ASTN2: variants seen among roughly 807,000 people sequenced by gnomAD.
The protein encoded by ASTN2 is astrotactin 2, also known as astrotactin-2.
A neutral mutation model predicts 139.8 loss-of-function variants in ASTN2; 54 were observed. The observed-to-expected ratio is 0.39, with a 90% CI of 0.31 to 0.48. The LOEUF (loss-of-function observed/expected upper bound fraction) is 0.48. Among genes scored for constraint, ASTN2 ranks in the 20% least tolerant of loss-of-function variants. The pLI, the probability that ASTN2 is intolerant of heterozygous loss-of-function variation, is 0.95. For synonymous variants in ASTN2, 756 were observed against 719.5 expected, an observed-to-expected ratio of 1.05 and a Z score of -0.81; for missense variants, 1,565 against 1,725.1, an observed-to-expected ratio of 0.91 and a Z score of 1.64.
Position 117,156,517 on chromosome 9 carries a change from C to T in ASTN2, c.1016-15039G>A, listed in dbSNP as rs553859328. Among the ~76,000 whole-genome samples the T allele has an allele frequency of 5.3e-5, 8 of 152,098 alleles. No homozygotes were observed. In the South Asian group the frequency reaches 1.7e-3, roughly 32 times the overall value. ...AGACTCTAGCAGCCCTCTCCCCAAG[C>T]TGTGACAATGAAGAGTGTCTCTAGA... On this transcript the variant is annotated intron_variant, in intron 3 of 22. Transcript: ENST00000313400.
At chr9:117,183,517 T>C (rs185344402) in intron 3 of ASTN2, among the ~76,000 whole-genome samples, 164 of 152,292 alleles carry the variant, frequency 1.1e-3, no homozygotes, top group Admixed American at 1.8e-3. Context: ...ATCCTTATTG[T>C]CTCCATTTTA....
chr9:117,167,529 G>T (rs1222367870), intron 3 of ASTN2, among the ~76,000 whole-genome samples: 1 of 152,040 alleles, frequency 6.6e-6, no homozygotes, highest in Non-Finnish European at 1.5e-5. Flanking sequence ...AAATACTGTG[G>T]GTGCATGAAC....
At chr9:116,777,992 G>A (rs546916160) in intron 13 of ASTN2, among the ~76,000 whole-genome samples, 1 of 152,180 alleles carries the variant, frequency 6.6e-6, no homozygotes, top group Admixed American at 6.5e-5. Flanking sequence ...ATAGGTGTGT[G>A]CCACCACACC....
chr9:116,917,774 C>T (rs996753644), intron 10 of ASTN2, among the ~76,000 whole-genome samples: 1 of 152,178 alleles, frequency 6.6e-6, no homozygotes, highest in African/African-American at 2.4e-5. Flanking sequence ...TAAAATTATT[C>T]TGAGCACCTT....
chr9:117,275,181 C>A (rs897657093), intron 2 of ASTN2, among the ~76,000 whole-genome samples: 1 of 152,208 alleles, frequency 6.6e-6, no homozygotes, highest in African/African-American at 2.4e-5. Context: ...TCCATTTTTT[C>A]TATCAACAGT....
chr9:117,075,099 A>G (rs1434356613), intron 5 of ASTN2, among the ~76,000 whole-genome samples: 2 of 152,232 alleles, frequency 1.3e-5, no homozygotes, highest in African/African-American at 2.4e-5. Flanking sequence ...ATGTTTTCAG[A>G]AGATGACTCT....
chr9:116,820,043 T>C lies in ASTN2; in HGVS notation c.2207+574A>G, dbSNP rs548481830. ...CCTCATACTTATTTCAAAAGTCAGTTTGAGTCCTTCAAGAGCCAGAGCTGT... is the reference window on the plus strand; with the variant it reads ...CCTCATACTTATTTCAAAAGTCAGTCTGAGTCCTTCAAGAGCCAGAGCTGT... On this transcript the variant is annotated intron_variant, in intron 12 of 22. Coordinates refer to ENST00000313400, the MANE Select transcript of ASTN2 (RefSeq NM_001365068.1). Among the ~76,000 whole-genome samples the C allele has an allele frequency of 2.0e-5, 3 of 152,304 alleles. No homozygotes were observed. The East Asian group carries it at 5.8e-4, about 29-fold the overall frequency.
At chr9:116,793,902 CATA>C (rs1316264523) in intron 13 of ASTN2, among the ~76,000 whole-genome samples, 1 of 152,032 alleles carries the variant, frequency 6.6e-6, no homozygotes, top group Non-Finnish European at 1.5e-5. Flanking sequence ...GGTTTTCATG[CATA>C]ATAATGATGA....
chr9:117,076,564 G>T (rs1356010233), intron 5 of ASTN2, among the ~76,000 whole-genome samples: 1 of 152,168 alleles, frequency 6.6e-6, no homozygotes, highest in Non-Finnish European at 1.5e-5. Context: ...AGACGTGTGT[G>T]GTAGAAAGGT....
At chr9:116,597,422 T>C (rs112739178) in intron 19 of ASTN2, among the ~76,000 whole-genome samples, 1 of 149,850 alleles carries the variant, frequency 6.7e-6, no homozygotes, top group African/African-American at 2.4e-5. Flanking sequence ...ATTCCCCTGC[T>C]TCAGCCTCCC....
At chr9:116,789,975 G>C (rs961402129) in intron 13 of ASTN2, among the ~76,000 whole-genome samples, 2 of 134,958 alleles carry the variant, frequency 1.5e-5, no homozygotes, top group African/African-American at 5.7e-5. Flanking sequence ...ACCCAGGCTA[G>C]AGTGCAGTGG....
At chr9:117,044,147 A>G (rs1838665605) in intron 5 of ASTN2, among the ~76,000 whole-genome samples, 1 of 152,188 alleles carries the variant, frequency 6.6e-6, no homozygotes, top group Admixed American at 6.5e-5. Context: ...TGTTTGTCTC[A>G]TCATTGATGA....
chr9:116,593,056 A>G (rs1293944203), intron 19 of ASTN2, among the ~76,000 whole-genome samples: 1 of 152,248 alleles, frequency 6.6e-6, no homozygotes, highest in Non-Finnish European at 1.5e-5. Flanking sequence ...TATGTTGCCC[A>G]TGACACATGA....
chr9:117,329,629 G>C (rs1352903285), intron 1 of ASTN2, among the ~76,000 whole-genome samples: 1 of 152,178 alleles, frequency 6.6e-6, no homozygotes, highest in African/African-American at 2.4e-5. Context: ...TGGACATGCA[G>C]TGGAGGTGAG....
At chr9:116,990,011 C>G (rs1836805230) in intron 7 of ASTN2, among the ~76,000 whole-genome samples, 3 of 151,982 alleles carry the variant, frequency 2.0e-5, no homozygotes, top group Non-Finnish European at 4.4e-5. Context: ...TACTATTTGT[C>G]TTTCTCTATG....
intron 16 of ASTN2, among the ~76,000 whole-genome samples, chr9:116,672,673 T>C (rs1293003119): frequency 2.0e-5 from 3 of 152,204 alleles, no homozygotes; most frequent in East Asian, 1.9e-4. Flanking sequence ...TTATCCCCCA[T>C]TTTGCAGAGG....
chr9:116,546,340 T>C (rs188374176), intron 19 of ASTN2, among the ~76,000 whole-genome samples: 99 of 152,240 alleles, frequency 6.5e-4, no homozygotes, highest in African/African-American at 2.2e-3. Flanking sequence ...AGCAAGCATC[T>C]AGATAGGGTA....
intron 1 of ASTN2, among the ~76,000 whole-genome samples, chr9:117,304,257 T>C (rs1834945134): frequency 6.6e-6 from 1 of 152,198 alleles, no homozygotes; most frequent in Non-Finnish European, 1.5e-5. Context: ...AGATGCCGCC[T>C]CCTTTATGCA....
At chr9:117,361,821 C>G (rs919957503) in intron 1 of ASTN2, among the ~76,000 whole-genome samples, 1 of 152,134 alleles carries the variant, frequency 6.6e-6, no homozygotes, top group Non-Finnish European at 1.5e-5. Flanking sequence ...TAGTACCTAT[C>G]TAGGTTGTTT....
Sources: allele counts gnomAD v4.1 joint callset (sites outside exome capture counted in the v4.1 genomes callset), GRCh38; gene constraint gnomAD v4.1.1; transcripts MANE v1.5; gene names NCBI Gene and HGNC (gene_info 2026-07-23, HGNC 2026-07-21).